Variants in TRIM43 observed in about 807,000 individuals in gnomAD.
TRIM43 encodes tripartite motif containing 43, also known as tripartite motif-containing protein 43.
TRIM43 carries 12 observed loss-of-function variants against 27.7 expected under a neutral mutation model. The ratio of observed to expected loss-of-function variants is 0.43; its 90% CI spans 0.28 to 0.70. The LOEUF (loss-of-function observed/expected upper bound fraction) is 0.70. TRIM43 is among the 30% of genes least tolerant of loss of function. The pLI is 0.17. For missense variants in TRIM43, 186 were observed against 356.5 expected, an observed-to-expected ratio of 0.52 and a Z score of 3.85; for synonymous variants, 64 against 121.9, an observed-to-expected ratio of 0.52 and a Z score of 3.13.
In TRIM43 at chr2:95,594,117, C is replaced by T; in HGVS notation, c.94C>T (p.His32Tyr). 6.2e-7 allele frequency: 1 copy of T among 1,612,926 alleles called. No individual in the cohort carries two copies. The highest frequency in any genetic ancestry group is 8.5e-7 in the Non-Finnish European group (1 of 1,179,640). Reference sequence around the variant, plus strand: ...AGACCCTGTCACCATCTGCTGTGGGCACAGCTTCTGTAGGCCCTGTCTCTG... The same window carrying T: ...AGACCCTGTCACCATCTGCTGTGGGTACAGCTTCTGTAGGCCCTGTCTCTG... ...LVDPVTICCG[H>Y]SFCRPCLCLS... Residue 32 changes from histidine (H) to tyrosine (Y), a missense_variant, in exon 2 of 7, where the codon CAC becomes TAC. Physicochemically the swap from His to Tyr is moderately conservative, Grantham distance 83 (BLOSUM62 2). Transcript: ENST00000272395.
At chr2:95,592,496 G>A (rs1426746997) in intron 1 of TRIM43, among the ~76,000 whole-genome samples, 5 of 151,658 alleles carry the variant, frequency 3.3e-5, no homozygotes, top group Admixed American at 2.0e-4. Flanking sequence ...GGCCTCCAGA[G>A]TAGCTGGAAA....
intron 2 of TRIM43, 88 bp downstream of exon 2, chr2:95,594,522 C>G: frequency 2.0e-6 from 3 of 1,530,906 alleles, no homozygotes; most frequent in South Asian, 2.6e-5. Context: ...GGTGATTACT[C>G]CATTCTTTAC....
intron 1 of TRIM43, 112 bp downstream of exon 1, chr2:95,592,261 T>G (rs1487029191): frequency 1.3e-5 from 2 of 151,898 alleles, no homozygotes; most frequent in African/African-American, 4.8e-5. Flanking sequence ...TGAAATGATC[T>G]CATTTTCTGA....
chr2:95,592,066 A>C lies in TRIM43; in HGVS notation c.-88A>C, dbSNP rs1208165850. 3.3e-5 allele frequency: 5 copies of C among 151,526 alleles called. No individual in the cohort carries two copies. The highest frequency in any genetic ancestry group is 6.6e-5 in the Admixed American group (1 of 15,230). The allele number at this position is 151,526 out of a possible 1,614,324, so 9.4% of individuals were successfully genotyped here. A position where few individuals can be genotyped will look rare whatever the true frequency, so the allele number is the denominator to read the frequency against. ...TTGGGGACTTCCGAAAGCTACCAGCACTGCACTGTGAGACTCTCATCCCTG... is the reference window on the plus strand; with the variant it reads ...TTGGGGACTTCCGAAAGCTACCAGCCCTGCACTGTGAGACTCTCATCCCTG... On this transcript the variant is annotated 5_prime_UTR_variant, in exon 1 of 7. Transcript: ENST00000272395.
chr2:95,596,569 A>T, intron 4 of TRIM43, 137 bp downstream of exon 4: 1 of 1,168,376 alleles, frequency 8.6e-7, no homozygotes, highest in Admixed American at 2.8e-5. Context: ...TTATAGAGAT[A>T]AACTATAACT....
At chr2:95,592,772 C>T (rs1344097659) in intron 1 of TRIM43, among the ~76,000 whole-genome samples, 2 of 151,606 alleles carry the variant, frequency 1.3e-5, no homozygotes, top group East Asian at 1.9e-4. Context: ...ACCTGCCTGA[C>T]GGCCTCCCAA....
intron 3 of TRIM43, among the ~76,000 whole-genome samples, chr2:95,595,876 G>T (rs1166147902): frequency 2.0e-5 from 3 of 151,220 alleles, no homozygotes; most frequent in African/African-American, 7.3e-5. Flanking sequence ...TGATTGTTCA[G>T]GCTGTGAAGT....
chr2:95,593,931 A>G (rs1685304619), intron 1 of TRIM43, 89 bp from the exon 2 acceptor site: 2 of 1,538,832 alleles, frequency 1.3e-6, no homozygotes, highest in Non-Finnish European at 1.7e-6. Flanking sequence ...AAGAAAGGAT[A>G]TTATTCGATC....
chr2:95,593,809 A>G lies in TRIM43; in HGVS notation c.-4-211A>G, dbSNP rs375979170. 2.0e-5 allele frequency among the ~76,000 whole-genome samples: 3 copies of G among 151,990 alleles called. No homozygotes were observed. In the East Asian group the frequency reaches 5.8e-4, roughly 29 times the overall value. On this transcript the variant is annotated intron_variant, in intron 1 of 6. Coordinates refer to ENST00000272395, the MANE Select transcript of TRIM43 (RefSeq NM_138800.3). Reference sequence around the variant, plus strand: ...GAAAGTAGAGTTTGGAAAGCTGGTCATGTGTTGATTGGAGAACAGTCACTT... The same window carrying G: ...GAAAGTAGAGTTTGGAAAGCTGGTCGTGTGTTGATTGGAGAACAGTCACTT...
chr2:95,592,403 G>T (rs942549414), intron 1 of TRIM43, among the ~76,000 whole-genome samples: 7 of 151,588 alleles, frequency 4.6e-5, no homozygotes, highest in African/African-American at 1.2e-4. Flanking sequence ...ATGGAATCAC[G>T]CTCTATTGCC....
chr2:95,594,011 T>C lies in TRIM43; in HGVS notation c.-4-9T>C, dbSNP rs765383212. 6.2e-6 allele frequency: 10 copies of C among 1,606,724 alleles called. No homozygotes were observed. The highest frequency in any genetic ancestry group is 5.9e-6 in the Non-Finnish European group (7 of 1,178,020). ...AGAAGATTAAATTCCTGTGGTTTTC[T>C]TTCCTTAGGAAAATGGACTCAGACT... is the stretch of plus-strand genomic sequence containing the variant. On this transcript the variant is annotated splice_polypyrimidine_tract_variant and intron_variant, in intron 1 of 6. Coordinates refer to ENST00000272395, the MANE Select transcript of TRIM43 (RefSeq NM_138800.3).
At chr2:95,593,172 C>T (rs1278871425) in intron 1 of TRIM43, among the ~76,000 whole-genome samples, 8 of 151,470 alleles carry the variant, frequency 5.3e-5, no homozygotes, top group Non-Finnish European at 8.8e-5. Flanking sequence ...TCCCAAAGTG[C>T]TCGGATTACA....
chr2:95,595,053 A>G lies in TRIM43; in HGVS notation c.415A>G (p.Lys139Glu), dbSNP rs1228126085. Residue 139 changes from lysine (K) to glutamate (E), a missense_variant, in exon 3 of 7, where the codon AAA becomes GAA. Physicochemically the swap from Lys to Glu is moderately conservative, Grantham distance 56. Coordinates refer to ENST00000272395, the MANE Select transcript of TRIM43 (RefSeq NM_138800.3). ...CAACCTTGTAATTCTTTTGCAGGAG[A>G]AACTCTTAAAGCAAATGAGGATTTT... ...IEEAAEEHRE[K>E]LLKQMRILWK... is the part of the protein sequence containing the mutation. The G allele has an allele frequency of 1.9e-6, 3 of 1,607,588 alleles. No individual in the cohort carries two copies. Among genetic ancestry groups the G allele is most frequent in the Non-Finnish European group, 2.5e-6 (3 of 1,176,762 alleles).
At chr2:95,596,164 G>T (rs769081480) in intron 3 of TRIM43, 38 bp from the exon 4 acceptor site, 1 of 1,602,488 alleles carries the variant, frequency 6.2e-7, no homozygotes, top group Non-Finnish European at 8.5e-7. Context: ...GTGGAAGTAG[G>T]CCTGGGTATA....
At chr2:95,592,695 A>T (rs1319349219) in intron 1 of TRIM43, among the ~76,000 whole-genome samples, 1 of 150,022 alleles carries the variant, frequency 6.7e-6, no homozygotes, top group Admixed American at 6.6e-5. Context: ...TTATATAAGT[A>T]TTTTTAGAGA....
Position 95,593,900 on chromosome 2 carries a change from T to C in TRIM43, c.-4-120T>C. ...TTTTCCTATTTCTGTCATTGCAGAT[T>C]AAAGCCTATACTTCTTTAGAAAGAA... On this transcript the variant is annotated intron_variant, in intron 1 of 6. Coordinates refer to ENST00000272395, the MANE Select transcript of TRIM43 (RefSeq NM_138800.3). The C allele has an allele frequency of 2.0e-6, 3 of 1,524,990 alleles. No individual in the cohort carries two copies. In the South Asian group the frequency reaches 4.0e-5, roughly 20 times the overall value. The allele number at this position is 1,524,990 out of a possible 1,614,324, so 94.5% of individuals were successfully genotyped here.
chr2:95,595,187 G>A, intron 3 of TRIM43, 42 bp downstream of exon 3: 1 of 1,457,372 alleles, frequency 6.9e-7, no homozygotes, highest in Non-Finnish European at 9.3e-7. Flanking sequence ...GCTTGAGACA[G>A]GCATGCTGAC....
chr2:95,593,695 C>T (rs543932600), intron 1 of TRIM43, among the ~76,000 whole-genome samples: 68 of 151,890 alleles, frequency 4.5e-4, no homozygotes, highest in African/African-American at 1.6e-3. Flanking sequence ...AAGACTCAAA[C>T]CTTGAGTTTA....
At chr2:95,592,584 G>T (rs1283856488) in intron 1 of TRIM43, among the ~76,000 whole-genome samples, 1 of 151,562 alleles carries the variant, frequency 6.6e-6, no homozygotes, top group Non-Finnish European at 1.5e-5. Flanking sequence ...TGTTGGCCAG[G>T]ATGGTCTCCA....
Sources: allele counts gnomAD v4.1 joint callset (sites outside exome capture counted in the v4.1 genomes callset), GRCh38; gene constraint gnomAD v4.1.1; transcripts MANE v1.5; gene names NCBI Gene and HGNC (gene_info 2026-07-23, HGNC 2026-07-21).